Variants in CNTNAP2 observed in about 807,000 individuals in gnomAD.
The protein encoded by CNTNAP2 is contactin-associated protein-like 2.
Under a neutral mutation model 155.2 loss-of-function variants are expected in CNTNAP2, and 98 were observed. That is an observed-to-expected ratio of 0.63 (90% CI 0.54 to 0.75). CNTNAP2 has a LOEUF of 0.75. CNTNAP2 is among the 30% of genes least tolerant of loss of function. CNTNAP2 has a pLI of 0.00. For synonymous variants in CNTNAP2, 651 were observed against 631.2 expected, an observed-to-expected ratio of 1.03 and a Z score of -0.47; for missense variants, 1,727 against 1,688.1, an observed-to-expected ratio of 1.02 and a Z score of -0.40.
intron 15 of CNTNAP2, among the ~76,000 whole-genome samples, chr7:148,047,389 A>T (rs1383962418): frequency 6.6e-6 from 1 of 152,200 alleles, no homozygotes; most frequent in Non-Finnish European, 1.5e-5. Flanking sequence ...CACTGAACTC[A>T]TGGCCAACAG....
chr7:147,001,729 G>A (rs986939882), intron 3 of CNTNAP2, among the ~76,000 whole-genome samples: 1 of 151,594 alleles, frequency 6.6e-6, no homozygotes, highest in Middle Eastern at 3.2e-3. Context: ...ATAATGATCT[G>A]AAGTCCAGGT....
intron 1 of CNTNAP2, among the ~76,000 whole-genome samples, chr7:146,651,992 G>C (rs1049528151): frequency 1.3e-5 from 2 of 152,042 alleles, no homozygotes; most frequent in African/African-American, 4.8e-5. Context: ...ATGGTGGGAA[G>C]AGCAATAGAA....
chr7:148,331,595 T>C (rs796803170), intron 21 of CNTNAP2, among the ~76,000 whole-genome samples: 4 of 145,862 alleles, frequency 2.7e-5, no homozygotes, highest in East Asian at 2.1e-4. Context: ...ATGGATGGAA[T>C]GGATGGATGG....
intron 14 of CNTNAP2, among the ~76,000 whole-genome samples, chr7:147,962,028 G>A (rs1378693810): frequency 1.4e-5 from 2 of 145,840 alleles, no homozygotes; most frequent in Middle Eastern, 3.7e-3. Context: ...ATGGGGAATA[G>A]AGTATTAATT....
chr7:147,964,026 C>G (rs1801162170), intron 14 of CNTNAP2, among the ~76,000 whole-genome samples: 1 of 152,032 alleles, frequency 6.6e-6, no homozygotes, highest in African/African-American at 2.4e-5. Flanking sequence ...TATTTGGAGA[C>G]AGGGTCATTA....
chr7:147,199,570 T>C (rs1048722413), intron 8 of CNTNAP2, among the ~76,000 whole-genome samples: 1 of 152,184 alleles, frequency 6.6e-6, no homozygotes, highest in Non-Finnish European at 1.5e-5. Flanking sequence ...AATGTGGCCT[T>C]TTCTAAGTTT....
chr7:146,883,203 A>C (rs1319094706), intron 3 of CNTNAP2, among the ~76,000 whole-genome samples: 2 of 152,090 alleles, frequency 1.3e-5, no homozygotes, highest in African/African-American at 4.8e-5. Context: ...ATTTTTCAAA[A>C]TTTTTATTTA....
At chr7:147,807,408 A>G (rs556648038) in intron 13 of CNTNAP2, among the ~76,000 whole-genome samples, 1 of 151,950 alleles carries the variant, frequency 6.6e-6, no homozygotes, top group East Asian at 1.9e-4. Context: ...ATCCCCATTA[A>G]CCTGATTTTT....
chr7:148,326,625 C>A (rs542192124), intron 21 of CNTNAP2, among the ~76,000 whole-genome samples: 1 of 151,724 alleles, frequency 6.6e-6, no homozygotes, highest in Non-Finnish European at 1.5e-5. Flanking sequence ...CCAGCACTTT[C>A]GGAGGCCAAG....
intron 1 of CNTNAP2, among the ~76,000 whole-genome samples, chr7:146,743,223 A>C (rs1169208459): frequency 6.6e-6 from 1 of 152,144 alleles, no homozygotes; most frequent in Non-Finnish European, 1.5e-5. Context: ...TTTTCTTATT[A>C]TTATGGAGAA....
intron 13 of CNTNAP2, among the ~76,000 whole-genome samples, chr7:147,730,282 G>A (rs1012076943): frequency 6.6e-6 from 1 of 152,062 alleles, no homozygotes; most frequent in African/African-American, 2.4e-5. Flanking sequence ...GCTTTATTGA[G>A]CTTCGCAGAT....
rs190423765 is a variant in CNTNAP2, at chr7:147,623,172, G to A, written c.1898-15934G>A. On this transcript the variant is annotated intron_variant, in intron 12 of 23. Coordinates refer to ENST00000361727, the MANE Select transcript of CNTNAP2 (RefSeq NM_014141.6). ...AGGAACTGAAGGCGGAAATCTGAAA[G>A]CCTTTCCTCGAAGATCTGGAACATG... Among the ~76,000 whole-genome samples the A allele has an allele frequency of 1.9e-3, 292 of 152,124 alleles. 1 individual carries two copies. Among genetic ancestry groups the A allele is most frequent in the African/African-American group, 6.5e-3 (269 of 41,556 alleles).
At chr7:146,511,563 A>G (rs1797466757) in intron 1 of CNTNAP2, among the ~76,000 whole-genome samples, 1 of 152,208 alleles carries the variant, frequency 6.6e-6, no homozygotes, top group Admixed American at 6.5e-5. Context: ...AAATTCTGTT[A>G]ATATGATGTA....
At chr7:147,682,787 C>T (rs940486754) in intron 13 of CNTNAP2, among the ~76,000 whole-genome samples, 11 of 151,900 alleles carry the variant, frequency 7.2e-5, no homozygotes, top group Non-Finnish European at 1.3e-4. Flanking sequence ...CTACATTATA[C>T]ACATAGAGAT....
intron 4 of CNTNAP2, among the ~76,000 whole-genome samples, chr7:147,062,357 G>A (rs573361600): frequency 9.9e-5 from 15 of 151,942 alleles, no homozygotes; most frequent in African/African-American, 3.6e-4. Flanking sequence ...TATTCACAAT[G>A]TCATTCCCAA....
In CNTNAP2 at chr7:147,006,467, A is replaced by G. The variant is rs996022541; in HGVS notation, c.403-37440A>G. 2.6e-5 allele frequency among the ~76,000 whole-genome samples: 4 copies of G among 152,044 alleles called. No homozygotes were observed. The South Asian group carries it at 8.3e-4, about 32-fold the overall frequency. On this transcript the variant is annotated intron_variant, in intron 3 of 23. Coordinates refer to ENST00000361727, the MANE Select transcript of CNTNAP2 (RefSeq NM_014141.6). ...GCTTTTCTGGTGTCTGCCATTCCTC[A>G]GGGGCCTTTAGCTCAAAATAATGCA...
chr7:147,810,882 G>A (rs1389613882), intron 13 of CNTNAP2, among the ~76,000 whole-genome samples: 2 of 152,126 alleles, frequency 1.3e-5, no homozygotes, highest in Non-Finnish European at 2.9e-5. Flanking sequence ...AGCAAGAACC[G>A]GGGTTCCTCC....
intron 12 of CNTNAP2, among the ~76,000 whole-genome samples, chr7:147,633,924 C>A (rs1795132651): frequency 6.6e-6 from 1 of 152,046 alleles, no homozygotes. Flanking sequence ...CTTATTCCTG[C>A]AAGAATGGCC....
chr7:147,612,582 G>A (rs1312670119), intron 12 of CNTNAP2, among the ~76,000 whole-genome samples: 1 of 151,806 alleles, frequency 6.6e-6, no homozygotes, highest in African/African-American at 2.4e-5. Flanking sequence ...TGTATTTTTA[G>A]TAGAGGCTGA....
Sources: gnomAD v4.1 joint callset for allele counts (sites outside exome capture counted in the v4.1 genomes callset) on GRCh38, gnomAD v4.1.1 for gene constraint, MANE v1.5 for transcripts, NCBI Gene and HGNC (gene_info 2026-07-23, HGNC 2026-07-21) for gene names.